RBM27: variants seen among roughly 807,000 people sequenced by gnomAD.
RBM27 encodes the protein RNA binding motif protein 27.
RBM27 carries 22 observed loss-of-function variants against 135.3 expected under a neutral mutation model. The observed-to-expected ratio is 0.16, with a 90% CI of 0.12 to 0.23. The LOEUF is 0.23. Among genes scored for constraint, RBM27 ranks in the 10% least tolerant of loss-of-function variants. RBM27 has a pLI of 1.00. For synonymous variants in RBM27, 481 were observed against 442.4 expected (o/e 1.09, Z -1.10); for missense variants, 1,009 against 1,281.0 (o/e 0.79, Z 3.24).
chr5:146,260,537 T>C (rs1326213540), intron 11 of RBM27, among the ~76,000 whole-genome samples: 1 of 152,194 alleles, frequency 6.6e-6, no homozygotes, highest in African/African-American at 2.4e-5. Context: ...AATCTGTTTC[T>C]GGATGCTTAT....
In RBM27 at chr5:146,219,068, T is replaced by C; in HGVS notation, c.143T>C (p.Phe48Ser). 6.2e-7 allele frequency: 1 copy of C among 1,612,844 alleles called. No homozygotes were observed. The highest frequency in any genetic ancestry group is 8.5e-7 in the Non-Finnish European group (1 of 1,179,286). The change falls in exon 2 of 21, where the codon TTT (phenylalanine) becomes TCT (serine). Residue 48 changes from phenylalanine to serine, a missense_variant. Coordinates refer to ENST00000265271, the MANE Select transcript of RBM27 (RefSeq NM_018989.2). ...KDKPEKELKA[F>S]CADQLDVFLQ... ...AAACCTGAGAAAGAATTAAAAGCCT[T>C]TTGTGCTGATCAACTTGATGTCTTT...
rs76394515 is a variant in RBM27, at chr5:146,275,415, C to T, written c.2988+3741C>T. ...TCCCTCCAGTAGTTGGGATTACAGGCGTACACCTCCTGGCTAATTTTTTTG... is the reference window on the plus strand; with the variant it reads ...TCCCTCCAGTAGTTGGGATTACAGGTGTACACCTCCTGGCTAATTTTTTTG... On this transcript the variant is annotated intron_variant, in intron 19 of 20. Transcript: ENST00000265271. Among the ~76,000 whole-genome samples, 74 of 151,892 alleles carry T rather than the reference C, an allele frequency of 4.9e-4. 1 individual carries two copies. The highest frequency in any genetic ancestry group is 1.6e-3 in the African/African-American group (67 of 41,428).
At chr5:146,246,587 G>A (rs906704286) in intron 8 of RBM27, among the ~76,000 whole-genome samples, 1 of 152,168 alleles carries the variant, frequency 6.6e-6, no homozygotes, top group African/African-American at 2.4e-5. Context: ...TGAGGCAGGG[G>A]AAGATACCTT....
chr5:146,270,924 A>G, intron 17 of RBM27, 30 bp from the exon 18 acceptor site: 1 of 1,451,202 alleles, frequency 6.9e-7, no homozygotes, highest in Non-Finnish European at 9.6e-7. Flanking sequence ...TTATCTAAAA[A>G]ATACCTTTTT....
At chr5:146,265,090 C>T (rs912518952) in intron 14 of RBM27, among the ~76,000 whole-genome samples, 8 of 152,054 alleles carry the variant, frequency 5.3e-5, no homozygotes, top group Admixed American at 3.9e-4. Context: ...TATCTTCCTT[C>T]TAAGAATCTA....
At chr5:146,239,350 A>G (rs1757300493) in intron 8 of RBM27, among the ~76,000 whole-genome samples, 3 of 151,142 alleles carry the variant, frequency 2.0e-5, no homozygotes. Flanking sequence ...TGCTAAGCTA[A>G]TTTTCCTGAG....
chr5:146,268,932 C>G (rs992748129), intron 15 of RBM27, among the ~76,000 whole-genome samples: 2 of 152,172 alleles, frequency 1.3e-5, no homozygotes, highest in Non-Finnish European at 2.9e-5. Context: ...GTGAAAACAA[C>G]TTTGGTTTTT....
intron 18 of RBM27, 83 bp from the exon 19 acceptor site, chr5:146,271,400 C>CA (rs372110410): frequency 0.13 from 127,238 of 978,816 alleles, 11 homozygotes; most frequent in Non-Finnish European, 0.14. Context: ...AATTCCATCT[C>CA]AAAAAAAAAA....
intron 19 of RBM27, among the ~76,000 whole-genome samples, chr5:146,272,030 TA>T (rs1758887513): frequency 6.6e-6 from 1 of 152,256 alleles, no homozygotes; most frequent in Non-Finnish European, 1.5e-5. Context: ...TATATTTAGT[TA>T]CATTCTGTAT....
intron 9 of RBM27, 79 bp downstream of exon 9, chr5:146,251,954 A>T: frequency 7.0e-7 from 1 of 1,428,058 alleles, no homozygotes; most frequent in Non-Finnish European, 9.7e-7. Context: ...GTGACCTGGC[A>T]TCCTGATCTG....
Position 146,263,655 on chromosome 5 carries a change from A to T in RBM27, c.2331+24A>T, listed in dbSNP as rs1758489941. 1.9e-6 allele frequency: 3 copies of T among 1,611,638 alleles called. No homozygotes were observed. The East Asian group carries it at 6.7e-5, about 36-fold the overall frequency. The stretch of plus-strand genomic sequence containing the variant: ...AGGTATGCATTTTTGGGAGCTTCAG[A>T]TATATTTAGAATCATTCAGTGAATT... On this transcript the variant is annotated intron_variant, in intron 14 of 20. Transcript: ENST00000265271.
intron 8 of RBM27, among the ~76,000 whole-genome samples, chr5:146,244,678 C>T (rs1333278418): frequency 6.6e-6 from 1 of 151,924 alleles, no homozygotes; most frequent in South Asian, 2.1e-4. Context: ...AGTTTGGGAC[C>T]ACAGGCATGC....
chr5:146,229,658 T>C, intron 4 of RBM27, 59 bp from the exon 5 acceptor site: 1 of 1,400,184 alleles, frequency 7.1e-7, no homozygotes, highest in Non-Finnish European at 9.9e-7. Context: ...ATACTATAGA[T>C]TTGTTTGCAG....
intron 11 of RBM27, among the ~76,000 whole-genome samples, chr5:146,258,815 A>G (rs1442298666): frequency 1.3e-5 from 2 of 151,156 alleles, no homozygotes; most frequent in Non-Finnish European, 2.9e-5. Flanking sequence ...CTGGAGTGCA[A>G]TGGTATAATC....
At chr5:146,281,307 T>G (rs1477832673) in intron 19 of RBM27, among the ~76,000 whole-genome samples, 2 of 152,194 alleles carry the variant, frequency 1.3e-5, no homozygotes, top group East Asian at 3.8e-4. Flanking sequence ...TAAGCTTTGT[T>G]CAGGCATGAG....
At chr5:146,250,197 T>C (rs1757821489) in intron 8 of RBM27, among the ~76,000 whole-genome samples, 1 of 151,946 alleles carries the variant, frequency 6.6e-6, no homozygotes, top group South Asian at 2.1e-4. Context: ...CGGTGGCACT[T>C]TGGGAGGCCG....
chr5:146,231,687 G>A (rs992235072), intron 6 of RBM27, among the ~76,000 whole-genome samples: 13 of 151,790 alleles, frequency 8.6e-5, no homozygotes, highest in African/African-American at 1.2e-4. Flanking sequence ...GCACAATCTC[G>A]GCTCACTGCA....
intron 15 of RBM27, 129 bp downstream of exon 15, chr5:146,267,897 T>C: frequency 1.0e-6 from 1 of 971,546 alleles, no homozygotes; most frequent in African/African-American, 1.7e-5. Context: ...TAGCTTCTTC[T>C]CTAATGTAAA....
At chr5:146,232,525 A>G (rs1208319095) in intron 6 of RBM27, among the ~76,000 whole-genome samples, 1 of 152,148 alleles carries the variant, frequency 6.6e-6, no homozygotes, top group Admixed American at 6.6e-5. Flanking sequence ...ATGTTAAAAC[A>G]TAGAGAGCTT....
Sources: gnomAD v4.1 joint callset for allele counts (sites outside exome capture counted in the v4.1 genomes callset) on GRCh38, gnomAD v4.1.1 for gene constraint, MANE v1.5 for transcripts, NCBI Gene and HGNC (gene_info 2026-07-23, HGNC 2026-07-21) for gene names.